FKBP15: variants seen among roughly 807,000 people sequenced by gnomAD.
FKBP15 encodes FKBP prolyl isomerase family member 15.
A neutral mutation model predicts 158.1 loss-of-function variants in FKBP15; 106 were observed. The ratio of observed to expected loss-of-function variants is 0.67; its 90% CI spans 0.57 to 0.79. The LOEUF is 0.79. Ranked by LOEUF, FKBP15 falls within the 30% of genes least tolerant of loss-of-function variation. FKBP15 has a pLI of 0.00. For missense variants in FKBP15, 1,287 were observed against 1,479.1 expected (o/e 0.87, Z 2.13); for synonymous variants, 547 against 548.6 (o/e 1.00, Z 0.04).
rs557715610 is a variant in FKBP15 at position 113,162,627 on chromosome 9, C to A, written c.*3451G>T. The A allele has an allele frequency of 6.1e-4, 547 of 889,598 alleles. No homozygotes were observed. The highest frequency in any genetic ancestry group is 1.5e-3 in the Admixed American group (64 of 42,924). The allele number at this position is 889,598 out of a possible 1,614,324, so 55.1% of individuals were successfully genotyped here. On this transcript the variant is annotated 3_prime_UTR_variant, in exon 28 of 28. Transcript: ENST00000238256. The stretch of plus-strand genomic sequence containing the variant: ...AGAAAGAAATCACTCCTGGGTTAAG[C>A]ATACAAGTTATAAATCAATCGGGTC...
intron 6 of FKBP15, 21 bp downstream of exon 6, chr9:113,202,510 G>A (rs1830811621): frequency 1.3e-6 from 2 of 1,521,266 alleles, no homozygotes; most frequent in Non-Finnish European, 1.8e-6. Context: ...GCTTTTCACA[G>A]GGAGAGTAAG....
intron 2 of FKBP15, among the ~76,000 whole-genome samples, chr9:113,209,562 G>T (rs1204333008): frequency 6.6e-6 from 1 of 152,204 alleles, no homozygotes; most frequent in African/African-American, 2.4e-5. Flanking sequence ...GGGCCTATAG[G>T]CTGTGGTATA....
In FKBP15 at chr9:113,178,653, G is replaced by C. The variant is rs764577153; in HGVS notation, c.2063C>G (p.Thr688Ser). ...KETDLLRGQL[T>S]KVQAKLSELQ... is the part of the protein sequence containing the mutation. ...ACCTGAGAGCTTTGCCTGCACTTTG[G>C]TGAGCTGGCCCCTGAGAAGATCTGT... The change falls in exon 20 of 28, where the codon ACC (threonine) becomes AGC (serine). Residue 688 changes from threonine to serine, a missense_variant. Physicochemically the swap from Thr to Ser is moderately conservative, Grantham distance 58. Coordinates refer to ENST00000238256, the MANE Select transcript of FKBP15 (RefSeq NM_015258.2). The C allele has an allele frequency of 2.1e-5, 34 of 1,609,952 alleles. No homozygotes were observed. Among genetic ancestry groups the C allele is most frequent in the East Asian group, 2.2e-5 (1 of 44,798 alleles).
At chr9:113,200,527 T>C (rs551771094) in intron 6 of FKBP15, among the ~76,000 whole-genome samples, 7 of 152,322 alleles carry the variant, frequency 4.6e-5, no homozygotes, top group Non-Finnish European at 1.0e-4. Context: ...CCATATTATC[T>C]TAGCACAAAT....
At position 113,175,064 on chromosome 9, in the gene FKBP15, GAAAAAAAAAAAAAAAAAAAAA is replaced by G. The variant is rs1164710751; in HGVS notation, c.2224-502_2224-482del. ...GGCGACAGAGCGAGACTCCGCCTCAGAAAAAAAAAAAAAAAAAAAAAAAAAAAAAAAAAAAAAGAGCTAGGG... is the reference window on the plus strand; with the variant it reads ...GGCGACAGAGCGAGACTCCGCCTCAGAAAAAAAAAAAAAAAAGAGCTAGGG... On this transcript the variant is annotated intron_variant, in intron 21 of 27. Transcript: ENST00000238256. Among the ~76,000 whole-genome samples, 14 of 1,732 alleles carry G rather than the reference GAAAAAAAAAAAAAAAAAAAAA, an allele frequency of 8.1e-3. 6 individuals carry two copies. In the East Asian group the frequency reaches 0.42, roughly 52 times the overall value. 1.1% of individuals were successfully genotyped at this position (1,732 alleles called of 152,430 possible).
At chr9:113,202,795 A>G (rs1830818126) in intron 5 of FKBP15, among the ~76,000 whole-genome samples, 166 bp from the exon 6 acceptor site, 1 of 152,228 alleles carries the variant, frequency 6.6e-6, no homozygotes, top group Admixed American at 6.5e-5. Flanking sequence ...TTCAGTCCAC[A>G]TTCCTAGAAG....
At chr9:113,180,480 G>A (rs1280293521) in intron 19 of FKBP15, among the ~76,000 whole-genome samples, 1 of 122,972 alleles carries the variant, frequency 8.1e-6, no homozygotes, top group Non-Finnish European at 1.8e-5. Context: ...ATAATCAAGT[G>A]AGAAGGGAAA....
intron 9 of FKBP15, among the ~76,000 whole-genome samples, chr9:113,196,163 T>C (rs1830677148): frequency 6.6e-6 from 1 of 152,148 alleles, no homozygotes; most frequent in South Asian, 2.1e-4. Context: ...TTAACCAGTA[T>C]CTTAATGATG....
intron 19 of FKBP15, among the ~76,000 whole-genome samples, chr9:113,179,490 G>C (rs1033534357): frequency 2.0e-5 from 3 of 151,620 alleles, no homozygotes; most frequent in Admixed American, 2.0e-4. Flanking sequence ...GGTGAAACTC[G>C]GTCTCTACTA....
At chr9:113,217,212 T>G (rs1481591279) in intron 1 of FKBP15, among the ~76,000 whole-genome samples, 14 of 144,912 alleles carry the variant, frequency 9.7e-5, no homozygotes, top group Admixed American at 2.1e-4. Flanking sequence ...TTTTTTTTTT[T>G]TTTTTTTTTT....
Position 113,184,798 on chromosome 9 carries a change from C to T in FKBP15, c.1505G>A (p.Gly502Asp), listed in dbSNP as rs563841333. The stretch of plus-strand genomic sequence containing the variant: ...AGTCATGAGAAATGAAGCCATATCA[C>T]CTGATCCTAAACAGATACAAGCCAA... ...LSQPPHFQGS[G>D]DMASFLMTEA... The change falls in exon 16 of 28, where the codon GGT (glycine) becomes GAT (aspartate). Residue 502 changes from glycine (G) to aspartate (D), a missense_variant. Physicochemically the swap from Gly to Asp is moderately conservative, Grantham distance 94 (BLOSUM62 -1). Coordinates refer to ENST00000238256, the MANE Select transcript of FKBP15 (RefSeq NM_015258.2). The surrounding 1 kb of genome is among the most constrained non-coding windows in gnomAD (Gnocchi z 4.5). The T allele has an allele frequency of 9.4e-6, 15 of 1,594,414 alleles. No individual in the cohort carries two copies. In the East Asian group the frequency reaches 3.2e-4, roughly 34 times the overall value.
At chr9:113,203,566 C>A (rs578033740) in intron 4 of FKBP15, among the ~76,000 whole-genome samples, 1 of 151,112 alleles carries the variant, frequency 6.6e-6, no homozygotes, top group East Asian at 1.9e-4. Flanking sequence ...GTCTCTCTGT[C>A]GCCCAGGCTG....
intron 15 of FKBP15, among the ~76,000 whole-genome samples, chr9:113,185,440 A>G (rs1830470036): frequency 6.6e-6 from 1 of 152,218 alleles, no homozygotes; most frequent in East Asian, 1.9e-4. Flanking sequence ...GGAGAAGGGC[A>G]GAGCTTCCAG....
In FKBP15 at chr9:113,204,901, A is replaced by G. The variant is rs924278100; in HGVS notation, c.324+1608T>C. On this transcript the variant is annotated intron_variant, in intron 4 of 27. Coordinates refer to ENST00000238256, the MANE Select transcript of FKBP15 (RefSeq NM_015258.2). ...CTATTTTCTTTAAGATATTATTCCT[A>G]GTTGTTTTAAGTGCCTTGTATGTTA... Among the ~76,000 whole-genome samples the G allele has an allele frequency of 3.3e-5, 5 of 151,958 alleles. No homozygotes were observed. In the East Asian group the frequency reaches 9.6e-4, roughly 29 times the overall value.
intron 1 of FKBP15, 101 bp downstream of exon 1, chr9:113,221,090 C>A: frequency 7.6e-7 from 1 of 1,309,382 alleles, no homozygotes; most frequent in Non-Finnish European, 1.0e-6. Context: ...GGGTCTCCCC[C>A]CGGAAGTTGG....
chr9:113,170,297 T>A (rs545069549), intron 25 of FKBP15, among the ~76,000 whole-genome samples: 25 of 152,256 alleles, frequency 1.6e-4, no homozygotes, highest in Non-Finnish European at 2.8e-4. Context: ...GGCTAATTTT[T>A]AAATTTTTAA....
intron 1 of FKBP15, among the ~76,000 whole-genome samples, chr9:113,213,032 G>A (rs1387933423): frequency 6.6e-6 from 1 of 152,170 alleles, no homozygotes; most frequent in African/African-American, 2.4e-5. Context: ...TCTAGAGAAG[G>A]ACTCAATGGT....
chr9:113,168,706 T>G, intron 26 of FKBP15, 150 bp from the exon 27 acceptor site: 13 of 684,082 alleles, frequency 1.9e-5, no homozygotes, highest in Non-Finnish European at 2.0e-5. Flanking sequence ...CCACCATCTC[T>G]TCCCACACCC....
intron 1 of FKBP15, among the ~76,000 whole-genome samples, chr9:113,212,938 A>G (rs149263956): frequency 2.3e-4 from 35 of 152,352 alleles, no homozygotes; most frequent in African/African-American, 7.2e-4. Context: ...TGTCCAAACC[A>G]GAACTCATAT....
Sources: allele counts gnomAD v4.1 joint callset (sites outside exome capture counted in the v4.1 genomes callset), GRCh38; gene constraint gnomAD v4.1.1; non-coding constraint Gnocchi (gnomAD v3.1); transcripts MANE v1.5; gene names NCBI Gene and HGNC (gene_info 2026-07-23, HGNC 2026-07-21).